EDIL3: variants seen among roughly 807,000 people sequenced by gnomAD.
The protein encoded by EDIL3 is EGF-like repeat and discoidin I-like domain-containing protein 3.
EDIL3 carries 37 observed loss-of-function variants against 67.4 expected under a neutral mutation model. The observed-to-expected ratio is 0.55, with a 90% CI of 0.42 to 0.72. The LOEUF (loss-of-function observed/expected upper bound fraction) is 0.72, where lower values mean the gene tolerates loss of function less well. Among genes scored for constraint, EDIL3 ranks in the 30% least tolerant of loss-of-function variants. The pLI is 0.00. For missense variants in EDIL3, 527 were observed against 586.3 expected (o/e 0.90, Z 1.04); for synonymous variants, 195 against 196.3 (o/e 0.99, Z 0.05).
rs1746036624 is a variant in EDIL3 at position 84,037,153 on chromosome 5, G to A, written c.1137+23147C>T. Among the ~76,000 whole-genome samples the A allele has an allele frequency of 2.6e-5, 4 of 152,140 alleles. No homozygotes were observed. In the South Asian group the frequency reaches 8.3e-4, roughly 31 times the overall value. Reference sequence around the variant, plus strand: ...GAGGAAAGAGCACTTTTGCACAAATGCACCCTATGGGTATGAAGTGACCCA... The same window carrying A: ...GAGGAAAGAGCACTTTTGCACAAATACACCCTATGGGTATGAAGTGACCCA... On this transcript the variant is annotated intron_variant, in intron 9 of 10. Transcript: ENST00000296591.
At chr5:84,268,091 C>T (rs1405535209) in intron 1 of EDIL3, among the ~76,000 whole-genome samples, 9 of 152,050 alleles carry the variant, frequency 5.9e-5, no homozygotes, top group Admixed American at 3.9e-4. Context: ...GAGCCAAGAT[C>T]GCGCCACTGC....
intron 3 of EDIL3, among the ~76,000 whole-genome samples, chr5:84,228,511 G>T (rs1744496118): frequency 6.6e-6 from 1 of 152,070 alleles, no homozygotes; most frequent in African/African-American, 2.4e-5. Flanking sequence ...ACACAATACT[G>T]CCTAGAGTGG....
At chr5:84,274,625 AT>A (rs1252803134) in intron 1 of EDIL3, among the ~76,000 whole-genome samples, 2 of 152,258 alleles carry the variant, frequency 1.3e-5, no homozygotes, top group East Asian at 1.9e-4. Context: ...ATGTGGAATA[AT>A]TTTTTTAATG....
intron 9 of EDIL3, among the ~76,000 whole-genome samples, chr5:83,976,689 A>G (rs1376797183): frequency 6.6e-6 from 1 of 151,792 alleles, no homozygotes; most frequent in Non-Finnish European, 1.5e-5. Context: ...TACCTATGTT[A>G]ACCCTGTTTA....
chr5:84,048,351 T>A (rs1302188976), intron 9 of EDIL3: 3 of 315,404 alleles, frequency 9.5e-6, no homozygotes, highest in Non-Finnish European at 1.9e-5. Flanking sequence ...AATACTCCCT[T>A]TTAAAAATCT....
chr5:84,297,219 G>A (rs1746069433), intron 1 of EDIL3, among the ~76,000 whole-genome samples: 1 of 146,518 alleles, frequency 6.8e-6, no homozygotes, highest in Non-Finnish European at 1.5e-5. Flanking sequence ...AAAGTGGGTA[G>A]AGGACATAAA....
intron 9 of EDIL3, among the ~76,000 whole-genome samples, chr5:84,037,657 T>C (rs1333298390): frequency 1.3e-5 from 2 of 152,234 alleles, no homozygotes; most frequent in Non-Finnish European, 2.9e-5. Flanking sequence ...TTTTAATTAA[T>C]GACGTTATTT....
intron 9 of EDIL3, among the ~76,000 whole-genome samples, chr5:84,040,955 A>G (rs1002895089): frequency 5.3e-5 from 8 of 152,082 alleles, no homozygotes; most frequent in African/African-American, 1.9e-4. Flanking sequence ...AACATGGCAA[A>G]ACCCTATCTC....
chr5:84,050,197 C>CAAAAAAAAAAAAA (rs11335643), intron 9 of EDIL3, among the ~76,000 whole-genome samples: 2 of 60,854 alleles, frequency 3.3e-5, no homozygotes, highest in Non-Finnish European at 6.1e-5. Context: ...AACTCCATCT[C>CAAAAAAAAAAAAA]AAAAAAAAAA....
intron 1 of EDIL3, among the ~76,000 whole-genome samples, chr5:84,258,198 T>C (rs537950074): frequency 1.3e-5 from 2 of 152,322 alleles, no homozygotes; most frequent in South Asian, 2.1e-4. Flanking sequence ...AAGAAGGAGA[T>C]GCTAAGATGA....
At chr5:84,170,954 C>T (rs73136266) in intron 4 of EDIL3, among the ~76,000 whole-genome samples, 1,576 of 152,042 alleles carry the variant, frequency 0.01, 26 homozygotes, top group African/African-American at 0.037. Context: ...ACTACCATGG[C>T]TGGTTAATTT....
chr5:84,320,189 A>G (rs1296071522), intron 1 of EDIL3, among the ~76,000 whole-genome samples: 1 of 152,092 alleles, frequency 6.6e-6, no homozygotes, highest in Non-Finnish European at 1.5e-5. Flanking sequence ...CCCCAAAAAA[A>G]ATGTTGCCTG....
intron 9 of EDIL3, among the ~76,000 whole-genome samples, chr5:83,979,923 A>C (rs1274417469): frequency 6.6e-6 from 1 of 152,144 alleles, no homozygotes; most frequent in Non-Finnish European, 1.5e-5. Flanking sequence ...TGGGCCGGGT[A>C]ACACAGCTCA....
intron 1 of EDIL3, among the ~76,000 whole-genome samples, chr5:84,302,390 G>A (rs781508663): frequency 4.6e-5 from 7 of 152,176 alleles, no homozygotes; most frequent in African/African-American, 7.2e-5. Context: ...TCTGCCTCCC[G>A]GGTTCACGCC....
chr5:84,284,963 C>T (rs1402119526), intron 1 of EDIL3, among the ~76,000 whole-genome samples: 3 of 152,106 alleles, frequency 2.0e-5, no homozygotes, highest in Non-Finnish European at 4.4e-5. Flanking sequence ...CCAGAGAATG[C>T]TCTGTGATGG....
intron 1 of EDIL3, among the ~76,000 whole-genome samples, chr5:84,312,276 G>C (rs935641362): frequency 2.8e-5 from 4 of 144,402 alleles, no homozygotes; most frequent in South Asian, 4.3e-4. Flanking sequence ...GCAGCTGGCC[G>C]GGCGGGGGCT....
At chr5:84,307,969 T>C (rs1167105771) in intron 1 of EDIL3, among the ~76,000 whole-genome samples, 3 of 152,174 alleles carry the variant, frequency 2.0e-5, no homozygotes, top group East Asian at 1.9e-4. Flanking sequence ...ATTCCTGCAT[T>C]GTCCTTTTAC....
intron 6 of EDIL3, among the ~76,000 whole-genome samples, chr5:84,105,631 C>A (rs1747446370): frequency 6.6e-6 from 1 of 151,918 alleles, no homozygotes; most frequent in African/African-American, 2.4e-5. Context: ...TGCAATATCT[C>A]CCTACTCTAC....
At chr5:84,285,650 T>A (rs62360082) in intron 1 of EDIL3, among the ~76,000 whole-genome samples, 3,065 of 152,366 alleles carry the variant, frequency 0.02, 46 homozygotes, top group Middle Eastern at 0.068. Flanking sequence ...TTATCTTATG[T>A]CAGACTTGGG....
Sources: gnomAD v4.1 joint callset for allele counts (sites outside exome capture counted in the v4.1 genomes callset) on GRCh38, gnomAD v4.1.1 for gene constraint, MANE v1.5 for transcripts, NCBI Gene and HGNC (gene_info 2026-07-23, HGNC 2026-07-21) for gene names.